Variants in CCDC170 observed in about 807,000 individuals in gnomAD.
The protein encoded by CCDC170 is coiled-coil domain containing 170, also known as coiled-coil domain-containing protein 170.
Under a neutral mutation model 72.6 loss-of-function variants are expected in CCDC170, and 69 were observed. That is an observed-to-expected ratio of 0.95 (90% CI 0.78 to 1.16). CCDC170 has a LOEUF of 1.16. Ranked by LOEUF, CCDC170 falls within the 50% of genes most tolerant of loss-of-function variation. The probability of loss-of-function intolerance (pLI) is 0.00; values close to 1 mark genes in which losing one functional copy is unlikely to be tolerated. For missense variants in CCDC170, 852 were observed against 832.5 expected, an observed-to-expected ratio of 1.02 and a Z score of -0.29; for synonymous variants, 300 against 303.9, an observed-to-expected ratio of 0.99 and a Z score of 0.13.
At chr6:151,599,670 A>G (rs776665815) in intron 9 of CCDC170, among the ~76,000 whole-genome samples, 1 of 152,140 alleles carries the variant, frequency 6.6e-6, no homozygotes. Context: ...AGAGATAGAG[A>G]GAGAGCAGAA....
chr6:151,617,379 C>T (rs1435678047), intron 10 of CCDC170, among the ~76,000 whole-genome samples: 1 of 129,612 alleles, frequency 7.7e-6, no homozygotes, highest in Non-Finnish European at 1.6e-5. Context: ...CTCCTGTTTT[C>T]ATTAGCTTAT....
chr6:151,611,415 T>C (rs944945691), intron 9 of CCDC170, among the ~76,000 whole-genome samples: 2 of 152,232 alleles, frequency 1.3e-5, no homozygotes, highest in Non-Finnish European at 2.9e-5. Flanking sequence ...CCAGCAGATT[T>C]GATGTCTGGT....
intron 3 of CCDC170, among the ~76,000 whole-genome samples, 177 bp from the exon 4 acceptor site, chr6:151,544,395 C>T (rs561831609): frequency 6.6e-6 from 1 of 152,266 alleles, no homozygotes; most frequent in South Asian, 2.1e-4. Context: ...CCACTTTTCT[C>T]CTTCCTTTAT....
At chr6:151,496,702 T>C (rs1427800267) in intron 1 of CCDC170, among the ~76,000 whole-genome samples, 1 of 152,186 alleles carries the variant, frequency 6.6e-6, no homozygotes, top group Admixed American at 6.5e-5. Flanking sequence ...AAAAGTAAAA[T>C]ACTGTAGAGA....
chr6:151,512,450 GCACCCGGAC>G (rs1782164007), intron 1 of CCDC170, among the ~76,000 whole-genome samples: 1 of 151,910 alleles, frequency 6.6e-6, no homozygotes, highest in Non-Finnish European at 1.5e-5. Flanking sequence ...ATAAGCCACT[GCACCCGGAC>G]CCAGTAGTAT....
chr6:151,573,905 GAGACAC>G (rs1168288266), intron 6 of CCDC170, among the ~76,000 whole-genome samples: 2 of 152,224 alleles, frequency 1.3e-5, no homozygotes, highest in African/African-American at 4.8e-5. Flanking sequence ...GATTTGGGTG[GAGACAC>G]AGCCAAACCA....
intron 5 of CCDC170, among the ~76,000 whole-genome samples, chr6:151,563,871 T>C (rs940049682): frequency 6.6e-6 from 1 of 152,162 alleles, no homozygotes; most frequent in African/African-American, 2.4e-5. Context: ...TGCCAGCCTC[T>C]TGTTGCTTTC....
intron 6 of CCDC170, among the ~76,000 whole-genome samples, chr6:151,574,054 T>C (rs1776267751): frequency 6.6e-6 from 1 of 152,172 alleles, no homozygotes; most frequent in Non-Finnish European, 1.5e-5. Flanking sequence ...GTCTGAGCAA[T>C]ATAGTGAGAC....
intron 6 of CCDC170, among the ~76,000 whole-genome samples, chr6:151,573,872 A>T (rs1776265122): frequency 6.6e-6 from 1 of 152,224 alleles, no homozygotes; most frequent in African/African-American, 2.4e-5. Flanking sequence ...CGTGGGGATG[A>T]TGGGAGCTAC....
At position 151,536,366 on chromosome 6, in the gene CCDC170, A is replaced by G; in HGVS notation, c.106A>G (p.Asn36Asp). 1 of 1,614,180 alleles carries G rather than the reference A, an allele frequency of 6.2e-7. No individual in the cohort carries two copies. Among genetic ancestry groups the G allele is most frequent in the South Asian group, 1.1e-5 (1 of 91,080 alleles). The change falls in exon 2 of 11, where the codon AAC becomes GAC. Residue 36 changes from asparagine to aspartate, a missense_variant. Physicochemically the swap from Asn to Asp is conservative, Grantham distance 23. Transcript: ENST00000239374. ...AGTCCCGGTCACGCGGGAGCAGTTA[A>G]ACCACTATCGGAATGTGGCTCAAAA... The part of the protein sequence containing the change: ...SEVPVTREQL[N>D]HYRNVAQNAR...
At chr6:151,587,036 G>A (rs1307049896) in intron 7 of CCDC170, among the ~76,000 whole-genome samples, 3 of 151,928 alleles carry the variant, frequency 2.0e-5, no homozygotes, top group Admixed American at 2.0e-4. Flanking sequence ...TGCCCGCCTC[G>A]GCCTCCCAAA....
Position 151,575,525 on chromosome 6 carries a change from C to CTTTTTTTTT in CCDC170, c.1092+2048_1092+2056dup, listed in dbSNP as rs869185539. 9.2e-4 allele frequency among the ~76,000 whole-genome samples: 73 copies of CTTTTTTTTT among 79,670 alleles called. 1 individual carries two copies. Among genetic ancestry groups the CTTTTTTTTT allele is most frequent in the African/African-American group, 1.1e-3 (22 of 19,246 alleles). The allele number at this position is 79,670 out of a possible 152,430, so 52.3% of individuals were successfully genotyped here. A position where few individuals can be genotyped will look rare whatever the true frequency, so the allele number is the denominator to read the frequency against. On this transcript the variant is annotated intron_variant, in intron 6 of 10. Transcript: ENST00000239374. ...AAGCACATTTTCTTTTCTTTTCTTT[C>CTTTTTTTTT]TTTTTTTTTTTTTTTTTTTTTTGAG...
Position 151,573,427 on chromosome 6 carries a change from C to G in CCDC170, c.1028C>G (p.Ser343Cys). ...AGGGGCAGATTGAGCATGACTGGGT[C>G]CACTGAGGACACCATTTTGGAGAAG... ...LLRGRLSMTG[S>C]TEDTILEKIR... Residue 343 changes from serine to cysteine, a missense_variant, in exon 6 of 11, where the codon TCC becomes TGC. Physicochemically the swap from Ser to Cys is moderately radical, Grantham distance 112 (BLOSUM62 -1). Coordinates refer to ENST00000239374, the MANE Select transcript of CCDC170 (RefSeq NM_025059.4). 1 of 1,614,090 alleles carries G rather than the reference C, an allele frequency of 6.2e-7. No homozygotes were observed. Among genetic ancestry groups the G allele is most frequent in the Non-Finnish European group, 8.5e-7 (1 of 1,180,020 alleles).
chr6:151,536,503 G>T, intron 2 of CCDC170, 57 bp downstream of exon 2: 1 of 1,593,442 alleles, frequency 6.3e-7, no homozygotes, highest in Non-Finnish European at 8.6e-7. Context: ...CTTATAAAAT[G>T]AAACAGATCA....
intron 5 of CCDC170, among the ~76,000 whole-genome samples, chr6:151,557,257 A>C (rs952792854): frequency 4.6e-5 from 7 of 151,862 alleles, no homozygotes; most frequent in African/African-American, 1.7e-4. Flanking sequence ...AAAATACAAA[A>C]AGTTAGCCGG....
chr6:151,592,933 G>A, intron 7 of CCDC170, 174 bp from the exon 8 acceptor site: 1 of 646,514 alleles, frequency 1.5e-6, no homozygotes, highest in Admixed American at 2.7e-5. Context: ...GCAGGGAACT[G>A]GCAGGGTGGT....
At chr6:151,497,312 T>C (rs1781924828) in intron 1 of CCDC170, among the ~76,000 whole-genome samples, 1 of 152,012 alleles carries the variant, frequency 6.6e-6, no homozygotes, top group Non-Finnish European at 1.5e-5. Context: ...GCCCAGGAAG[T>C]TGAGGCTGTT....
intron 5 of CCDC170, among the ~76,000 whole-genome samples, chr6:151,562,116 C>T (rs528267740): frequency 6.6e-6 from 1 of 152,014 alleles, no homozygotes; most frequent in South Asian, 2.1e-4. Context: ...CTTTCATATC[C>T]TGAATCATTT....
At chr6:151,524,418 G>A (rs1391867237) in intron 1 of CCDC170, among the ~76,000 whole-genome samples, 1 of 152,090 alleles carries the variant, frequency 6.6e-6, no homozygotes, top group Non-Finnish European at 1.5e-5. Context: ...ATTTCCTGTG[G>A]CCTCTGAAGC....
Sources: allele counts gnomAD v4.1 joint callset (sites outside exome capture counted in the v4.1 genomes callset), GRCh38; gene constraint gnomAD v4.1.1; transcripts MANE v1.5; gene names NCBI Gene and HGNC (gene_info 2026-07-23, HGNC 2026-07-21).